Variants in KCTD1 observed in about 807,000 individuals in gnomAD.
KCTD1 encodes the protein potassium channel tetramerization domain containing 1.
KCTD1 carries 24 observed loss-of-function variants against 66.0 expected under a neutral mutation model. The ratio of observed to expected loss-of-function variants is 0.36; its 90% CI spans 0.26 to 0.51. The LOEUF (loss-of-function observed/expected upper bound fraction) is 0.51, where lower values mean the gene tolerates loss of function less well. KCTD1 is among the 20% of genes least tolerant of loss of function. The probability of loss-of-function intolerance (pLI) is 0.95; values close to 1 mark genes in which losing one functional copy is unlikely to be tolerated. For synonymous variants in KCTD1, 511 were observed against 517.2 expected (o/e 0.99, Z 0.16); for missense variants, 943 against 1,205.2 (o/e 0.78, Z 3.22).
intron 1 of KCTD1, among the ~76,000 whole-genome samples, chr18:26,605,752 C>CTATG (rs1211854514): frequency 2.1e-5 from 3 of 142,416 alleles, no homozygotes; most frequent in Admixed American, 1.5e-4. Context: ...ATCTATCTAT[C>CTATG]TATCTATCTA....
At chr18:26,636,489 T>C (rs1311245148) in intron 1 of KCTD1, among the ~76,000 whole-genome samples, 1 of 152,178 alleles carries the variant, frequency 6.6e-6, no homozygotes, top group Non-Finnish European at 1.5e-5. Context: ...GGCAGTGCCA[T>C]CACACCAGGG....
chr18:26,488,524 C>T (rs116858315), intron 2 of KCTD1, among the ~76,000 whole-genome samples: 4,632 of 152,058 alleles, frequency 0.03, 110 homozygotes, highest in Middle Eastern at 0.071. Flanking sequence ...GGAGGGGCCT[C>T]GCCAAGTTTA....
intron 3 of KCTD1, among the ~76,000 whole-genome samples, chr18:26,461,385 C>T (rs984415685): frequency 3.3e-5 from 5 of 152,238 alleles, no homozygotes; most frequent in African/African-American, 1.2e-4. Context: ...TGGCAACCCC[C>T]TTACCACAGG....
chr18:26,489,546 T>C (rs572365538), intron 2 of KCTD1, among the ~76,000 whole-genome samples: 3 of 152,326 alleles, frequency 2.0e-5, no homozygotes, highest in African/African-American at 7.2e-5. Context: ...CTGGCCTGTT[T>C]TTTTTCTTTC....
chr18:26,504,592 T>TGAACTCCTGGCCTC (rs1407394566), intron 1 of KCTD1, among the ~76,000 whole-genome samples: 3 of 152,040 alleles, frequency 2.0e-5, no homozygotes, highest in Non-Finnish European at 4.4e-5. Flanking sequence ...AGGCTGGCCT[T>TGAACTCCTGGCCTC]GAACTCCTGG....
Position 26,532,261 on chromosome 18 carries a change from C to CTTTCTTTTTT in KCTD1, c.1809+14466_1809+14467insAAAAAAGAAA, listed in dbSNP as rs1394278500. Reference sequence around the variant, plus strand: ...CTTTTTCTTTTTCTTTTCTTTCCTTCTTTTTTTTTTTTTTTTTTTTTTTTT... The same window carrying CTTTCTTTTTT: ...CTTTTTCTTTTTCTTTTCTTTCCTTCTTTCTTTTTTTTTTTTTTTTTTTTTTTTTTTTTTT... On this transcript the variant is annotated intron_variant, in intron 1 of 4. Coordinates refer to ENST00000580059, the MANE Select transcript of KCTD1 (RefSeq NM_001142730.3). Among the ~76,000 whole-genome samples the CTTTCTTTTTT allele has an allele frequency of 4.7e-4, 14 of 29,562 alleles. 1 individual carries two copies. The highest frequency in any genetic ancestry group is 1.6e-3 in the South Asian group (1 of 638). 19.4% of individuals were successfully genotyped at this position (29,562 alleles called of 152,430 possible). A position where few individuals can be genotyped will look rare whatever the true frequency, so the allele number is the denominator to read the frequency against.
At chr18:26,588,921 A>G (rs891633121) in intron 1 of KCTD1, among the ~76,000 whole-genome samples, 1 of 147,138 alleles carries the variant, frequency 6.8e-6, no homozygotes, top group Non-Finnish European at 1.5e-5. Context: ...TGAAATATGG[A>G]AGAGGTCCAT....
chr18:26,627,005 C>A (rs560576124), intron 1 of KCTD1, among the ~76,000 whole-genome samples: 9 of 152,026 alleles, frequency 5.9e-5, no homozygotes, highest in Non-Finnish European at 1.0e-4. Flanking sequence ...AATTACATCC[C>A]CCTCTTTCTA....
chr18:26,634,322 C>T (rs548449), intron 1 of KCTD1, among the ~76,000 whole-genome samples: 87,298 of 151,946 alleles, frequency 0.57, 25,564 homozygotes, highest in East Asian at 0.79. Flanking sequence ...TATGGTATGA[C>T]TTATAAGTGA....
At chr18:26,481,122 A>T (rs1301932888) in intron 2 of KCTD1, among the ~76,000 whole-genome samples, 1 of 152,128 alleles carries the variant, frequency 6.6e-6, no homozygotes, top group Non-Finnish European at 1.5e-5. Flanking sequence ...CACCAGTATT[A>T]GTGGGGGCTC....
chr18:26,595,155 T>G (rs1986737688), intron 1 of KCTD1, among the ~76,000 whole-genome samples: 2 of 152,136 alleles, frequency 1.3e-5, no homozygotes, highest in Non-Finnish European at 2.9e-5. Flanking sequence ...AAGTCTAAAT[T>G]TAGGGCTTGA....
chr18:26,596,280 C>T (rs920147350), intron 1 of KCTD1, among the ~76,000 whole-genome samples: 15 of 152,062 alleles, frequency 9.9e-5, no homozygotes, highest in African/African-American at 3.6e-4. Flanking sequence ...CTCTCTCTCT[C>T]TTTCTTCTTT....
chr18:26,475,398 T>C (rs1981289487), intron 3 of KCTD1, among the ~76,000 whole-genome samples: 1 of 152,220 alleles, frequency 6.6e-6, no homozygotes, highest in African/African-American at 2.4e-5. Context: ...CCTAGAATGT[T>C]CCTTCATTTA....
chr18:26,607,139 A>G lies in KCTD1; in HGVS notation c.-16+22008T>C, dbSNP rs537931212. Among the ~76,000 whole-genome samples the G allele has an allele frequency of 3.9e-5, 6 of 152,298 alleles. No individual in the cohort carries two copies. The South Asian group carries it at 1.0e-3, about 26-fold the overall frequency. On this transcript the variant is annotated intron_variant, in intron 1 of 4. Transcript: ENST00000317932. The stretch of plus-strand genomic sequence containing the variant: ...CACCTCTGACTCCTGGGCTCAAGCA[A>G]TCCTCTGACTTCAGCCTCCTCAGTA...
intron 1 of KCTD1, among the ~76,000 whole-genome samples, chr18:26,507,390 G>T (rs532915076): frequency 6.7e-4 from 102 of 152,270 alleles, no homozygotes; most frequent in Non-Finnish European, 1.3e-3. Context: ...ATTTCTTAGA[G>T]ACTCGGTCTC....
Position 26,546,753 on chromosome 18 carries a change from G to GA in KCTD1, c.1783dup (p.Ser595PhefsTer22). 6.5e-7 allele frequency: 1 copy of GA among 1,549,814 alleles called. No individual in the cohort carries two copies. The highest frequency in any genetic ancestry group is 8.7e-7 in the Non-Finnish European group (1 of 1,146,374). ...CTGGGTGGGGGAAACAATAGCAGGTGAAACTATTGTGGGAGAATTGGTGCT... is the reference window on the plus strand; with the variant it reads ...CTGGGTGGGGGAAACAATAGCAGGTGAAAACTATTGTGGGAGAATTGGTGCT... On this transcript the variant is annotated frameshift_variant, in exon 1 of 5. Coordinates refer to ENST00000580059, the MANE Select transcript of KCTD1 (RefSeq NM_001142730.3). LOFTEE classifies it high-confidence loss of function.
At chr18:26,628,973 G>A (rs1284919366) in intron 1 of KCTD1, among the ~76,000 whole-genome samples, 1 of 152,190 alleles carries the variant, frequency 6.6e-6, no homozygotes, top group Non-Finnish European at 1.5e-5. Context: ...TGTATTTGCT[G>A]GGGGACCAGG....
intron 1 of KCTD1, among the ~76,000 whole-genome samples, chr18:26,578,057 CTTTTTTTT>C (rs11381611): frequency 1.7e-5 from 2 of 117,048 alleles, no homozygotes; most frequent in Non-Finnish European, 3.4e-5. Context: ...TCTTTTCTTT[CTTTTTTTT>C]TTTTTTTTTT....
chr18:26,540,597 C>T (rs1984932030), intron 1 of KCTD1, among the ~76,000 whole-genome samples: 1 of 152,208 alleles, frequency 6.6e-6, no homozygotes. Context: ...TCTTCCCCCA[C>T]CTCCTACTCA....
Sources: gnomAD v4.1 joint callset for allele counts (sites outside exome capture counted in the v4.1 genomes callset) on GRCh38, gnomAD v4.1.1 for gene constraint, MANE v1.5 for transcripts, NCBI Gene and HGNC (gene_info 2026-07-23, HGNC 2026-07-21) for gene names.